Variants in SLC9C1 observed in about 807,000 individuals in gnomAD.
The protein encoded by SLC9C1 is sodium/hydrogen exchanger 10.
A neutral mutation model predicts 140.9 loss-of-function variants in SLC9C1; 97 were observed. The ratio of observed to expected loss-of-function variants is 0.69; its 90% CI spans 0.58 to 0.82. SLC9C1 has a LOEUF of 0.82. Ranked by LOEUF, SLC9C1 falls within the 40% of genes least tolerant of loss-of-function variation. SLC9C1 has a pLI of 0.00. For missense variants in SLC9C1, 1,340 were observed against 1,389.3 expected (o/e 0.96, Z 0.56); for synonymous variants, 440 against 442.6 (o/e 0.99, Z 0.07).
chr3:112,187,946 A>G (rs2077571022), intron 20 of SLC9C1, among the ~76,000 whole-genome samples: 1 of 151,830 alleles, frequency 6.6e-6, no homozygotes, highest in Non-Finnish European at 1.5e-5. Flanking sequence ...TTTTTATATC[A>G]GTATATATAG....
chr3:112,196,104 C>T (rs1016771656), intron 20 of SLC9C1, among the ~76,000 whole-genome samples: 1 of 151,818 alleles, frequency 6.6e-6, no homozygotes, highest in Non-Finnish European at 1.5e-5. Context: ...ACTCCCTAAA[C>T]TTTTGTTTAT....
At position 112,227,680 on chromosome 3, in the gene SLC9C1, C is replaced by A. The variant is rs114513332; in HGVS notation, c.1572+3681G>T. Among the ~76,000 whole-genome samples the A allele has an allele frequency of 9.9e-3, 1,503 of 152,184 alleles. 24 individuals carry two copies. The highest frequency in any genetic ancestry group is 0.034 in the African/African-American group (1,401 of 41,554). On this transcript the variant is annotated intron_variant, in intron 13 of 28. Coordinates refer to ENST00000305815, the MANE Select transcript of SLC9C1 (RefSeq NM_183061.3). The stretch of plus-strand genomic sequence containing the variant: ...ATATTTAGGAAAGCTAAAGACTCCA[C>A]AAAACAACTCCTAGAACTGTTAAAC...
intron 8 of SLC9C1, among the ~76,000 whole-genome samples, chr3:112,265,909 A>G (rs1164806997): frequency 1.3e-5 from 2 of 152,102 alleles, no homozygotes; most frequent in Admixed American, 1.3e-4. Context: ...ATATTAAAAT[A>G]TTACTTCTCA....
At chr3:112,166,961 C>T (rs548820412) in intron 26 of SLC9C1, among the ~76,000 whole-genome samples, 100 of 152,142 alleles carry the variant, frequency 6.6e-4, no homozygotes, top group Middle Eastern at 3.4e-3. Flanking sequence ...TGGGGAAGAG[C>T]TAGTAATTCC....
At chr3:112,221,065 A>C (rs1037714132) in intron 14 of SLC9C1, 63 bp downstream of exon 14, 25 of 1,367,540 alleles carry the variant, frequency 1.8e-5, no homozygotes, top group Non-Finnish European at 2.6e-5. Context: ...AAGAAAACTC[A>C]CTTGGGTAAT....
rs2107951470 is a variant in SLC9C1, at chr3:112,179,566, T to C, written c.2884A>G (p.Met962Val). The change falls in exon 23 of 29, where the codon ATG (methionine) becomes GTG (valine). Residue 962 changes from methionine to valine, a missense_variant. Coordinates refer to ENST00000305815, the MANE Select transcript of SLC9C1 (RefSeq NM_183061.3). ...GEINCLTNEP[M>V]KYSATCKTVV... Reference sequence around the variant, plus strand: ...GTTTTGCAGGTGGCAGAATATTTCATAGGTTCATTAGTTAAGCAGTTTATC... The same window carrying C: ...GTTTTGCAGGTGGCAGAATATTTCACAGGTTCATTAGTTAAGCAGTTTATC... 2 of 1,609,602 alleles carry C rather than the reference T, an allele frequency of 1.2e-6. No homozygotes were observed. The highest frequency in any genetic ancestry group is 2.2e-5 in the South Asian group (2 of 89,282).
intron 28 of SLC9C1, among the ~76,000 whole-genome samples, chr3:112,143,048 C>T (rs1005263950): frequency 1.5e-4 from 23 of 152,120 alleles, no homozygotes; most frequent in Admixed American, 1.2e-3. Flanking sequence ...ATCCATATTG[C>T]TGCAAAGGAC....
intron 28 of SLC9C1, among the ~76,000 whole-genome samples, chr3:112,147,094 T>C (rs1001058464): frequency 2.0e-5 from 3 of 152,226 alleles, no homozygotes; most frequent in Non-Finnish European, 4.4e-5. Flanking sequence ...AAAGTCTGTT[T>C]TATCTGATAT....
At chr3:112,212,665 A>G (rs2078242477) in intron 15 of SLC9C1, among the ~76,000 whole-genome samples, 1 of 152,222 alleles carries the variant, frequency 6.6e-6, no homozygotes, top group Admixed American at 6.5e-5. Flanking sequence ...AAAAAAGAGT[A>G]AAAAGAAATG....
intron 26 of SLC9C1, among the ~76,000 whole-genome samples, chr3:112,162,460 A>G (rs1227324140): frequency 6.6e-6 from 1 of 152,164 alleles, no homozygotes; most frequent in Non-Finnish European, 1.5e-5. Context: ...TACCGAATTT[A>G]TTGAGAGTTT....
chr3:112,277,063 T>C (rs1486030200), intron 5 of SLC9C1, among the ~76,000 whole-genome samples: 1 of 152,136 alleles, frequency 6.6e-6, no homozygotes, highest in Admixed American at 6.6e-5. Flanking sequence ...AAGCAATTTT[T>C]CTAGTTCTCA....
At chr3:112,286,629 T>C (rs1340463284) in intron 2 of SLC9C1, 75 bp downstream of exon 2, 6 of 1,251,736 alleles carry the variant, frequency 4.8e-6, no homozygotes, top group Non-Finnish European at 6.6e-6. Flanking sequence ...ACTTCTACTT[T>C]CCTTAATTCT....
chr3:112,212,041 T>C (rs1224598267), intron 15 of SLC9C1, among the ~76,000 whole-genome samples: 1 of 152,246 alleles, frequency 6.6e-6, no homozygotes, highest in South Asian at 2.1e-4. Context: ...CAACATTTGC[T>C]GTTCAGCAAT....
intron 28 of SLC9C1, among the ~76,000 whole-genome samples, chr3:112,149,543 A>T (rs545029826): frequency 6.6e-6 from 1 of 152,162 alleles, no homozygotes; most frequent in South Asian, 2.1e-4. Context: ...GGGTGCCCCA[A>T]ATGTCTGGAG....
intron 28 of SLC9C1, among the ~76,000 whole-genome samples, chr3:112,150,933 G>A (rs2074959736): frequency 6.7e-6 from 1 of 150,102 alleles, no homozygotes; most frequent in Admixed American, 6.6e-5. Context: ...CGCCGCCCAG[G>A]TTCAAGCGAT....
chr3:112,195,679 A>C (rs1389330601), intron 20 of SLC9C1, among the ~76,000 whole-genome samples: 2 of 152,106 alleles, frequency 1.3e-5, no homozygotes, highest in Non-Finnish European at 2.9e-5. Context: ...CAGAGCTATA[A>C]CACTATAATT....
rs570311813 is a variant in SLC9C1, at chr3:112,264,820, T to C, written c.879-477A>G. Among the ~76,000 whole-genome samples, 58 of 152,122 alleles carry C rather than the reference T, an allele frequency of 3.8e-4. 2 individuals are homozygous for C. In the Middle Eastern group the frequency reaches 0.01, roughly 27 times the overall value. ...ATTTTAGATAGTAAGATTCTTGCAA[T>C]TGAGTTTATGAAGTAGTTACTTGTA... is the stretch of plus-strand genomic sequence containing the variant. On this transcript the variant is annotated intron_variant, in intron 8 of 28. Coordinates refer to ENST00000305815, the MANE Select transcript of SLC9C1 (RefSeq NM_183061.3).
chr3:112,157,753 A>T (rs1341965207), intron 26 of SLC9C1, among the ~76,000 whole-genome samples: 3 of 80,808 alleles, frequency 3.7e-5, no homozygotes, highest in Non-Finnish European at 9.1e-5. Context: ...AGTTAAATTT[A>T]TTCCTAGGTA....
intron 17 of SLC9C1, 85 bp from the exon 18 acceptor site, chr3:112,202,484 A>G (rs1206701899): frequency 2.2e-6 from 3 of 1,369,316 alleles, no homozygotes; most frequent in African/African-American, 1.5e-5. Flanking sequence ...AATAGTTAAT[A>G]ATAAGAAATT....
Sources: allele counts gnomAD v4.1 joint callset (sites outside exome capture counted in the v4.1 genomes callset), GRCh38; gene constraint gnomAD v4.1.1; transcripts MANE v1.5; gene names NCBI Gene and HGNC (gene_info 2026-07-23, HGNC 2026-07-21).